The following NCF4 variants were observed in gnomAD, a reference collection of about 807,000 sequenced individuals.
NCF4 encodes neutrophil cytosol factor 4.
Under a neutral mutation model 41.7 loss-of-function variants are expected in NCF4, and 30 were observed. The ratio of observed to expected loss-of-function variants is 0.72; its 90% CI spans 0.54 to 0.97. The LOEUF (loss-of-function observed/expected upper bound fraction) is 0.97. NCF4 is among the 50% of genes least tolerant of loss of function. The probability of loss-of-function intolerance (pLI) is 0.00; values close to 1 mark genes in which losing one functional copy is unlikely to be tolerated. For synonymous variants in NCF4, 195 were observed against 175.8 expected (o/e 1.11, Z -0.87); for missense variants, 432 against 460.9 (o/e 0.94, Z 0.57).
chr22:36,875,273 A>C (rs1258700651), intron 7 of NCF4, among the ~76,000 whole-genome samples: 2 of 152,056 alleles, frequency 1.3e-5, no homozygotes, highest in Non-Finnish European at 2.9e-5. Flanking sequence ...CAAGTGATTC[A>C]CCAGCTTCGG....
intron 1 of NCF4, among the ~76,000 whole-genome samples, chr22:36,861,808 A>T (rs1939780976): frequency 6.6e-6 from 1 of 152,196 alleles, no homozygotes. Context: ...CTGCTGTATC[A>T]CTAGGAGGTA....
chr22:36,877,295 C>A (rs559935681), intron 9 of NCF4, among the ~76,000 whole-genome samples: 56 of 152,206 alleles, frequency 3.7e-4, no homozygotes, highest in Admixed American at 6.5e-4. Context: ...TACTACCTCG[C>A]CCAGCTAATT....
chr22:36,868,091 G>C (rs1425117343), intron 4 of NCF4, among the ~76,000 whole-genome samples: 1 of 152,222 alleles, frequency 6.6e-6, no homozygotes, highest in East Asian at 1.9e-4. Flanking sequence ...AGGCCAAGGT[G>C]GTCAGGAAAG....
In NCF4 at chr22:36,875,646, T is replaced by C. The variant is rs769552859; in HGVS notation, c.628-7T>C. ...ACCAGCATGGCATCCCTTCTCTTCC[T>C]CTGCAGGGCACTGTCCGGGGAGCCA... On this transcript the variant is annotated splice_region_variant and splice_polypyrimidine_tract_variant and intron_variant, in intron 7 of 9. Transcript: ENST00000248899. 6.2e-7 allele frequency: 1 copy of C among 1,610,916 alleles called. No individual in the cohort carries two copies. Among genetic ancestry groups the C allele is most frequent in the Non-Finnish European group, 8.5e-7 (1 of 1,179,938 alleles).
rs3221695 is a variant in NCF4, at chr22:36,867,110, C to CGTGTGT, written c.272-254_272-249dup. Among the ~76,000 whole-genome samples, 45,231 of 143,590 alleles carry CGTGTGT rather than the reference C, an allele frequency of 0.32. 7,738 individuals carry two copies. Among genetic ancestry groups the CGTGTGT allele is most frequent in the East Asian group, 0.43 (2,079 of 4,846 alleles). 94.2% of individuals were successfully genotyped at this position (143,590 alleles called of 152,430 possible). Reference sequence around the variant, plus strand: ...ATCCTGCTCTCTTAGAACTAAGAGTCGTGTGTGTGTGTGTGTGTGTGTGTG... The same window carrying CGTGTGT: ...ATCCTGCTCTCTTAGAACTAAGAGTCGTGTGTGTGTGTGTGTGTGTGTGTGTGTGTG... On this transcript the variant is annotated intron_variant, in intron 3 of 9. Coordinates refer to ENST00000248899, the MANE Select transcript of NCF4 (RefSeq NM_000631.5).
intron 4 of NCF4, among the ~76,000 whole-genome samples, chr22:36,869,674 G>C (rs1318992841): frequency 6.6e-6 from 1 of 152,158 alleles, no homozygotes; most frequent in Non-Finnish European, 1.5e-5. Flanking sequence ...GGCTCTGGGT[G>C]CTCGCGTCCT....
rs189237169 is a variant in NCF4 at position 36,873,142 on chromosome 22, A to G, written c.627+717A>G. ...TGGAGGTGAGATTGGAGGTAAGATT[A>G]GAGGTGAAGATAGAAATGAGAATGG... On this transcript the variant is annotated intron_variant, in intron 7 of 9. Transcript: ENST00000248899. 1.8e-4 allele frequency among the ~76,000 whole-genome samples: 24 copies of G among 133,454 alleles called. No homozygotes were observed. The East Asian group carries it at 4.2e-3, about 24-fold the overall frequency. The allele number at this position is 133,454 out of a possible 152,430, so 87.6% of individuals were successfully genotyped here.
At position 36,864,180 on chromosome 22, in the gene NCF4, GCTGACCTCTGAACCTTGCCCT is replaced by G. The variant is rs71738983; in HGVS notation, c.117+67_117+87del. 37,056 of 1,463,104 alleles carry G rather than the reference GCTGACCTCTGAACCTTGCCCT, an allele frequency of 0.025. 3,879 individuals carry two copies. The African/African-American group carries it at 0.29, about 12-fold the overall frequency. The allele number at this position is 1,463,104 out of a possible 1,614,324, so 90.6% of individuals were successfully genotyped here. On this transcript the variant is annotated intron_variant, in intron 2 of 9. Transcript: ENST00000248899. ...CCAACAACCTCTGAACTTCCACCCA[GCTGACCTCTGAACCTTGCCCT>G]CTGACCTCTGAACCTCCAATTCTCT...
chr22:36,867,214 G>A (rs1210135931), intron 3 of NCF4, among the ~76,000 whole-genome samples, 178 bp from the exon 4 acceptor site: 1 of 151,972 alleles, frequency 6.6e-6, no homozygotes, highest in Non-Finnish European at 1.5e-5. Context: ...GCACAACTGA[G>A]AGGATGAAAG....
chr22:36,861,472 G>A (rs1939773056), intron 1 of NCF4, among the ~76,000 whole-genome samples: 1 of 152,214 alleles, frequency 6.6e-6, no homozygotes, highest in South Asian at 2.1e-4. Flanking sequence ...GCAGTGTCTG[G>A]AGAGGAATGC....
At chr22:36,862,003 C>G (rs1310836762) in intron 1 of NCF4, among the ~76,000 whole-genome samples, 1 of 152,222 alleles carries the variant, frequency 6.6e-6, no homozygotes, top group Admixed American at 6.5e-5. Context: ...CTCAGGGTCA[C>G]AGAGAGTGAC....
At chr22:36,870,774 A>G (rs1415847421) in intron 5 of NCF4, among the ~76,000 whole-genome samples, 2 of 152,146 alleles carry the variant, frequency 1.3e-5, no homozygotes, top group Non-Finnish European at 2.9e-5. Context: ...GGACTGGGAT[A>G]TTGACTCCAG....
chr22:36,861,290 G>T, intron 1 of NCF4, 87 bp downstream of exon 1: 1 of 1,465,208 alleles, frequency 6.8e-7, no homozygotes, highest in Non-Finnish European at 9.4e-7. Context: ...TGCAGTCCCT[G>T]ATCAACATGA....
At chr22:36,874,996 C>T (rs1569116221) in intron 7 of NCF4, among the ~76,000 whole-genome samples, 1 of 152,198 alleles carries the variant, frequency 6.6e-6, no homozygotes, top group Non-Finnish European at 1.5e-5. Context: ...ATACTGGAAA[C>T]TCCGTGGGGG....
chr22:36,868,951 T>C (rs182752768), intron 4 of NCF4, among the ~76,000 whole-genome samples: 1 of 152,208 alleles, frequency 6.6e-6, no homozygotes, highest in East Asian at 1.9e-4. Flanking sequence ...CCCAACTCTC[T>C]GTAAGTCCTA....
chr22:36,866,680 T>C (rs904057052), intron 3 of NCF4, among the ~76,000 whole-genome samples: 2 of 152,108 alleles, frequency 1.3e-5, no homozygotes, highest in African/African-American at 4.8e-5. Flanking sequence ...GGTTTCAGAC[T>C]TGCTTCCTCG....
intron 1 of NCF4, among the ~76,000 whole-genome samples, chr22:36,861,574 T>C (rs994712186): frequency 6.6e-6 from 1 of 152,216 alleles, no homozygotes; most frequent in Non-Finnish European, 1.5e-5. Context: ...TCACAGAATC[T>C]GGCTTGTTCT....
intron 1 of NCF4, among the ~76,000 whole-genome samples, chr22:36,861,509 C>G (rs937024604): frequency 3.9e-5 from 6 of 152,154 alleles, no homozygotes; most frequent in African/African-American, 1.4e-4. Context: ...AGGCTGGGGC[C>G]CTTTGCTTCA....
At chr22:36,863,150 A>G (rs936405498) in intron 1 of NCF4, among the ~76,000 whole-genome samples, 3 of 152,096 alleles carry the variant, frequency 2.0e-5, no homozygotes, top group African/African-American at 7.2e-5. Flanking sequence ...ATTGCAGACG[A>G]CGGTAGTGGC....
Sources: allele counts gnomAD v4.1 joint callset (sites outside exome capture counted in the v4.1 genomes callset), GRCh38; gene constraint gnomAD v4.1.1; transcripts MANE v1.5; gene names NCBI Gene and HGNC (gene_info 2026-07-23, HGNC 2026-07-21).